The following ERC2 variants were observed in gnomAD, a reference collection of about 807,000 sequenced individuals.
The protein encoded by ERC2 is ELKS/RAB6-interacting/CAST family member 2, also known as ERC protein 2.
ERC2 carries 42 observed loss-of-function variants against 114.8 expected under a neutral mutation model. The ratio of observed to expected loss-of-function variants is 0.37; its 90% confidence interval spans 0.29 to 0.47. The LOEUF is 0.47. ERC2 is among the 20% of genes least tolerant of loss of function. The probability of loss-of-function intolerance (pLI) is 0.99; values close to 1 mark genes in which losing one functional copy is unlikely to be tolerated. For synonymous variants in ERC2, 454 were observed against 425.5 expected (o/e 1.07, Z -0.82); for missense variants, 939 against 1,150.7 (o/e 0.82, Z 2.66).
intron 17 of ERC2, among the ~76,000 whole-genome samples, chr3:55,594,235 A>C (rs2058033018): frequency 6.6e-6 from 1 of 152,228 alleles, no homozygotes; most frequent in Admixed American, 6.5e-5. Flanking sequence ...ACAGAAGAAC[A>C]TCAAAGTGTG....
chr3:56,229,468 C>A (rs946073420), intron 3 of ERC2, among the ~76,000 whole-genome samples: 5 of 152,152 alleles, frequency 3.3e-5, no homozygotes, highest in Non-Finnish European at 7.3e-5. Context: ...CGGAATGGAA[C>A]TAGGACTCTT....
At chr3:56,010,396 A>C (rs2072825185) in intron 9 of ERC2, 53 bp downstream of exon 9, 1 of 1,585,892 alleles carries the variant, frequency 6.3e-7, no homozygotes, top group Non-Finnish European at 8.6e-7. Flanking sequence ...AGCTTCATTG[A>C]ATATGGGTTT....
At chr3:55,877,063 C>T (rs1275701428) in intron 14 of ERC2, among the ~76,000 whole-genome samples, 1 of 152,178 alleles carries the variant, frequency 6.6e-6, no homozygotes, top group Non-Finnish European at 1.5e-5. Context: ...TCTCTCTTCC[C>T]TAGTTTAAGA....
At chr3:56,239,597 C>T (rs1312146456) in intron 3 of ERC2, among the ~76,000 whole-genome samples, 2 of 152,182 alleles carry the variant, frequency 1.3e-5, no homozygotes, top group Admixed American at 6.5e-5. Context: ...GAAGTATTTA[C>T]TATTATTACT....
At chr3:56,342,735 C>T (rs1263705511) in intron 2 of ERC2, among the ~76,000 whole-genome samples, 1 of 152,152 alleles carries the variant, frequency 6.6e-6, no homozygotes, top group Non-Finnish European at 1.5e-5. Flanking sequence ...TATTCTAGAC[C>T]TCACCCTTTT....
intron 9 of ERC2, among the ~76,000 whole-genome samples, chr3:56,009,188 C>T (rs2072725394): frequency 6.6e-6 from 1 of 152,098 alleles, no homozygotes; most frequent in African/African-American, 2.4e-5. Context: ...AGGTGCAAAC[C>T]GACAAATAAC....
intron 6 of ERC2, among the ~76,000 whole-genome samples, chr3:56,093,899 T>C (rs1466258123): frequency 6.6e-6 from 1 of 152,150 alleles, no homozygotes; most frequent in East Asian, 1.9e-4. Context: ...TTTCTGAGTG[T>C]TGTGCAAAAG....
rs933027017 is a variant in ERC2 at position 55,592,120 on chromosome 3, C to G, written c.*40-80844G>C. Among the ~76,000 whole-genome samples, 4 of 152,298 alleles carry G rather than the reference C, an allele frequency of 2.6e-5. No individual in the cohort carries two copies. In the South Asian group the frequency reaches 8.3e-4, roughly 32 times the overall value. On this transcript the variant is annotated intron_variant, in intron 17 of 17. Coordinates refer to ENST00000288221, the MANE Select transcript of ERC2 (RefSeq NM_015576.3). Reference sequence around the variant, plus strand: ...GAAGGGTGACTGGGCCAGACTCAGCCTTCCTTGAGCCTCTGGTTGCTCATG... The same window carrying G: ...GAAGGGTGACTGGGCCAGACTCAGCGTTCCTTGAGCCTCTGGTTGCTCATG...
intron 2 of ERC2, among the ~76,000 whole-genome samples, chr3:56,311,255 C>CTCTCTCTCTATA (rs1314796268): frequency 7.6e-5 from 6 of 79,060 alleles, no homozygotes; most frequent in Admixed American, 1.5e-4. Context: ...CTCTCTCTCT[C>CTCTCTCTCTATA]TATATATATA....
chr3:55,601,064 A>G (rs2058380009), intron 17 of ERC2, among the ~76,000 whole-genome samples: 1 of 152,196 alleles, frequency 6.6e-6, no homozygotes, highest in Non-Finnish European at 1.5e-5. Context: ...AACACAAACG[A>G]AGGAAGTGAG....
intron 7 of ERC2, among the ~76,000 whole-genome samples, chr3:56,028,088 T>C (rs1376611487): frequency 6.6e-6 from 1 of 152,172 alleles, no homozygotes; most frequent in African/African-American, 2.4e-5. Context: ...GCTTTTGCAC[T>C]TTTGTAAAAA....
intron 3 of ERC2, among the ~76,000 whole-genome samples, chr3:56,187,104 G>A (rs967622914): frequency 1.3e-5 from 2 of 152,188 alleles, no homozygotes; most frequent in Non-Finnish European, 2.9e-5. Context: ...GAGCTCTAGA[G>A]AGTAAGCTAT....
At chr3:55,548,932 A>G (rs2054952240) in intron 17 of ERC2, among the ~76,000 whole-genome samples, 1 of 152,216 alleles carries the variant, frequency 6.6e-6, no homozygotes, top group South Asian at 2.1e-4. Flanking sequence ...TTCTCAAAAG[A>G]GAAACCCCAA....
At chr3:55,901,180 T>G (rs1444455416) in intron 13 of ERC2, among the ~76,000 whole-genome samples, 1 of 152,218 alleles carries the variant, frequency 6.6e-6, no homozygotes, top group Non-Finnish European at 1.5e-5. Flanking sequence ...TGGAGTAGAA[T>G]AGTCATTATC....
At chr3:55,606,454 G>GT (rs146777927) in intron 17 of ERC2, 20,796 of 152,186 alleles carry the variant, frequency 0.14, 1,675 homozygotes, top group South Asian at 0.24. Flanking sequence ...AATAGTAAAT[G>GT]TAATAGTCAT....
At chr3:56,095,685 A>C (rs915293176) in intron 6 of ERC2, among the ~76,000 whole-genome samples, 1 of 152,200 alleles carries the variant, frequency 6.6e-6, no homozygotes, top group African/African-American at 2.4e-5. Flanking sequence ...AAAGATTCCT[A>C]TGAGGAACTA....
At chr3:55,922,633 TCAAA>T (rs965470467) in intron 13 of ERC2, among the ~76,000 whole-genome samples, 9 of 152,128 alleles carry the variant, frequency 5.9e-5, no homozygotes, top group Non-Finnish European at 8.8e-5. Flanking sequence ...GTAATTACAA[TCAAA>T]CAGAGATCCT....
intron 6 of ERC2, among the ~76,000 whole-genome samples, chr3:56,131,623 T>C (rs2080203649): frequency 6.6e-6 from 1 of 152,130 alleles, no homozygotes; most frequent in Non-Finnish European, 1.5e-5. Flanking sequence ...CAGTCAATTA[T>C]GGCAAGGGGT....
At chr3:56,466,177 G>A (rs1039882600) in intron 1 of ERC2, among the ~76,000 whole-genome samples, 1 of 152,214 alleles carries the variant, frequency 6.6e-6, no homozygotes, top group Non-Finnish European at 1.5e-5. Flanking sequence ...GATGATGATA[G>A]TAATAGTAAT....
Sources: gnomAD v4.1 joint callset for allele counts (sites outside exome capture counted in the v4.1 genomes callset) on GRCh38, gnomAD v4.1.1 for gene constraint, MANE v1.5 for transcripts, NCBI Gene and HGNC (gene_info 2026-07-23, HGNC 2026-07-21) for gene names.